Variants in PPP1R7 observed in about 807,000 individuals in gnomAD.
The protein encoded by PPP1R7 is protein phosphatase 1 regulatory subunit 22.
Under a neutral mutation model 45.2 loss-of-function variants are expected in PPP1R7, and 18 were observed. That is an observed-to-expected ratio of 0.40 (90% CI 0.28 to 0.59). The LOEUF is 0.59. Ranked by LOEUF, PPP1R7 falls within the 20% of genes least tolerant of loss-of-function variation. The pLI is 0.46. For missense variants in PPP1R7, 314 were observed against 455.8 expected (o/e 0.69, Z 2.83); for synonymous variants, 181 against 183.4 (o/e 0.99, Z 0.11).
At chr2:241,151,514 G>A (rs1293341796) in intron 1 of PPP1R7, 4 of 471,148 alleles carry the variant, frequency 8.5e-6, no homozygotes, top group Non-Finnish European at 1.8e-5. Flanking sequence ...AGGGAAAAGA[G>A]CAAGAATCAC....
Position 241,150,500 on chromosome 2 carries a change from C to T in PPP1R7, c.5C>T (p.Ala2Val). 6.3e-7 allele frequency: 1 copy of T among 1,596,128 alleles called. No homozygotes were observed. The highest frequency in any genetic ancestry group is 8.5e-7 in the Non-Finnish European group (1 of 1,172,626). Residue 2 changes from alanine (A) to valine (V), a missense_variant, in exon 1 of 10, where the codon GCG (alanine) becomes GTG (valine). Ala to Val is a moderately conservative substitution (Grantham distance 64, BLOSUM62 0). This residue lies in a region of PPP1R7 where 34 missense variants were observed against 26.0 expected (regional missense o/e 1.31). Transcript: ENST00000234038. MAAERGAGQQQS... is the reference protein window; with the variant it reads MVAERGAGQQQS... ...GAAAGGGGAAGAGCAGCCAACATGG[C>T]GGCGGAACGCGGCGCGGGGCAGCAA...
At chr2:241,158,116 G>A (rs2067501300) in intron 3 of PPP1R7, among the ~76,000 whole-genome samples, 1 of 152,172 alleles carries the variant, frequency 6.6e-6, no homozygotes, top group African/African-American at 2.4e-5. Context: ...TTATACATGA[G>A]GGTCCCAATG....
chr2:241,150,673 C>G (rs2067249446), intron 1 of PPP1R7, 126 bp downstream of exon 1: 7 of 1,300,874 alleles, frequency 5.4e-6, no homozygotes, highest in Non-Finnish European at 6.9e-6. Flanking sequence ...GGCCCCCTGA[C>G]AGCTGACAGC....
Position 241,182,971 on chromosome 2 carries a change from C to T in PPP1R7, c.*148C>T, listed in dbSNP as rs12719. 0.02 allele frequency: 17,041 copies of T among 845,922 alleles called. 754 individuals are homozygous for T. The highest frequency in any genetic ancestry group is 0.12 in the African/African-American group (6,969 of 58,286). 52.4% of individuals were successfully genotyped at this position (845,922 alleles called of 1,614,324 possible). A position where few individuals can be genotyped will look rare whatever the true frequency, so the allele number is the denominator to read the frequency against. On this transcript the variant is annotated 3_prime_UTR_variant, in exon 10 of 10. Transcript: ENST00000234038. ...AGGCACTGACGATAGCTGGCGCGCG[C>T]GACGTCACACACCATTTTCAGATGC...
At chr2:241,177,910 C>T (rs2067935053) in intron 9 of PPP1R7, among the ~76,000 whole-genome samples, 1 of 152,238 alleles carries the variant, frequency 6.6e-6, no homozygotes, top group Non-Finnish European at 1.5e-5. Flanking sequence ...GGGGCTTCCC[C>T]AGGACCCTCC....
chr2:241,175,246 C>T (rs577999294), intron 9 of PPP1R7, among the ~76,000 whole-genome samples: 4 of 152,202 alleles, frequency 2.6e-5, no homozygotes, highest in Non-Finnish European at 5.9e-5. Context: ...TCAGCACATT[C>T]GTAATGGTGC....
upstream of PPP1R7, chr2:241,149,719 C>G: frequency 6.5e-7 from 1 of 1,549,910 alleles, no homozygotes; most frequent in East Asian, 2.4e-5. Flanking sequence ...GTGAGTAGCG[C>G]AGAGCTCGCC....
At chr2:241,175,368 C>T (rs2067892771) in intron 9 of PPP1R7, among the ~76,000 whole-genome samples, 1 of 152,174 alleles carries the variant, frequency 6.6e-6, no homozygotes, top group African/African-American at 2.4e-5. Flanking sequence ...TTGACAATGA[C>T]CCTTCTACTT....
At chr2:241,150,014 C>T, upstream of PPP1R7, 1 of 1,399,928 alleles carries the variant, frequency 7.1e-7, no homozygotes. Flanking sequence ...CCGTTCGGCC[C>T]ATTGTACAGA....
At chr2:241,166,882 A>G (rs1266547917) in intron 8 of PPP1R7, among the ~76,000 whole-genome samples, 4 of 151,966 alleles carry the variant, frequency 2.6e-5, no homozygotes, top group South Asian at 2.1e-4. Context: ...CTCAGCCCCT[A>G]CTTCCCAGCC....
intron 9 of PPP1R7, among the ~76,000 whole-genome samples, chr2:241,181,617 C>G (rs1445721022): frequency 6.6e-6 from 1 of 152,132 alleles, no homozygotes; most frequent in Non-Finnish European, 1.5e-5. Context: ...CCCAGTCGGA[C>G]CACAGCTGTG....
At chr2:241,165,771 AT>A (rs1184183016) in intron 7 of PPP1R7, among the ~76,000 whole-genome samples, 20 of 143,286 alleles carry the variant, frequency 1.4e-4, no homozygotes, top group African/African-American at 4.9e-4. Flanking sequence ...TTTTTTTTGT[AT>A]TTTTTTCGTA....
chr2:241,179,304 T>A (rs377602651), intron 9 of PPP1R7, among the ~76,000 whole-genome samples: 73 of 152,002 alleles, frequency 4.8e-4, no homozygotes, highest in African/African-American at 1.6e-3. Context: ...GTTCCCAGAG[T>A]CATCTGGGGT....
chr2:241,181,714 C>A (rs551741257), intron 9 of PPP1R7, among the ~76,000 whole-genome samples: 1 of 152,294 alleles, frequency 6.6e-6, no homozygotes, highest in Admixed American at 6.5e-5. Flanking sequence ...CCTAACTTCC[C>A]TGTAAAAGGA....
chr2:241,167,013 T>TCCTC (rs752298635), intron 8 of PPP1R7: 3 of 1,601,742 alleles, frequency 1.9e-6, no homozygotes, highest in Non-Finnish European at 1.7e-6. Context: ...CTGTTCATGC[T>TCCTC]CCTCCCTCCC....
At chr2:241,174,799 T>C (rs1200329722) in intron 9 of PPP1R7, among the ~76,000 whole-genome samples, 1 of 151,862 alleles carries the variant, frequency 6.6e-6, no homozygotes, top group Non-Finnish European at 1.5e-5. Flanking sequence ...CTCAGTCTCC[T>C]GAGTAGCTGG....
Position 241,150,567 on chromosome 2 carries a change from G to A in PPP1R7, c.52+20G>A, listed in dbSNP as rs532754415. ...TGGAGGGTGAGCGGCCCCTGCGGGC[G>A]GCGGCCCAAGGGCCCAGCGGGCGGG... On this transcript the variant is annotated intron_variant, in intron 1 of 9. Transcript: ENST00000234038. 1.0e-5 allele frequency: 16 copies of A among 1,583,726 alleles called. No homozygotes were observed. The East Asian group carries it at 2.4e-4, about 24-fold the overall frequency.
At chr2:241,165,967 A>C (rs2067697818) in intron 7 of PPP1R7, among the ~76,000 whole-genome samples, 1 of 145,842 alleles carries the variant, frequency 6.9e-6, no homozygotes, top group Non-Finnish European at 1.5e-5. Context: ...CAGTGGCATG[A>C]TCTTGGCTCA....
intron 8 of PPP1R7, chr2:241,167,240 A>T: frequency 1.7e-6 from 1 of 592,366 alleles, no homozygotes; most frequent in Non-Finnish European, 2.8e-6. Flanking sequence ...CTATAAACAT[A>T]GTGTTTCAAT....
Sources: gnomAD v4.1 joint callset for allele counts (sites outside exome capture counted in the v4.1 genomes callset) on GRCh38, gnomAD v4.1.1 for gene constraint, gnomAD v4.1.1 regional missense constraint, MANE v1.5 for transcripts, NCBI Gene and HGNC (gene_info 2026-07-23, HGNC 2026-07-21) for gene names.